Variants in HECW1 observed in about 807,000 individuals in gnomAD.
HECW1 encodes the protein E3 ubiquitin-protein ligase HECW1.
A neutral mutation model predicts 182.3 loss-of-function variants in HECW1; 61 were observed. The ratio of observed to expected loss-of-function variants is 0.33; its 90% CI spans 0.27 to 0.41. The LOEUF is 0.41. HECW1 is among the 10% of genes least tolerant of loss of function. The probability of loss-of-function intolerance (pLI) is 1.00; values close to 1 mark genes in which losing one functional copy is unlikely to be tolerated. For synonymous variants in HECW1, 859 were observed against 832.6 expected, an observed-to-expected ratio of 1.03 and a Z score of -0.55; for missense variants, 1,739 against 2,108.9, an observed-to-expected ratio of 0.82 and a Z score of 3.44.
At position 43,527,412 on chromosome 7, in the gene HECW1, T is replaced by A. The variant is rs548843432; in HGVS notation, c.4020-13751T>A. Among the ~76,000 whole-genome samples the A allele has an allele frequency of 4.6e-5, 7 of 152,244 alleles. No homozygotes were observed. The South Asian group carries it at 1.5e-3, about 32-fold the overall frequency. ...TTTTACCTCTTTCAGCTTCTGGGAT[T>A]TCAACGGCTCCTTGGCTTGTGGCTG... On this transcript the variant is annotated intron_variant, in intron 24 of 29. Coordinates refer to ENST00000395891, the MANE Select transcript of HECW1 (RefSeq NM_015052.5).
chr7:43,412,610 C>G (rs141627229), intron 8 of HECW1, among the ~76,000 whole-genome samples: 16,605 of 122,310 alleles, frequency 0.14, 1,404 homozygotes, highest in Middle Eastern at 0.24. Flanking sequence ...CCCCTCCCCC[C>G]ACCCCACCAC....
At chr7:43,302,614 G>A (rs893212895) in intron 3 of HECW1, among the ~76,000 whole-genome samples, 20 of 152,162 alleles carry the variant, frequency 1.3e-4, no homozygotes, top group Non-Finnish European at 8.8e-5. Context: ...GTACGGGGCC[G>A]CCCCGGGAGG....
chr7:43,145,501 T>G (rs1484515636), intron 2 of HECW1, among the ~76,000 whole-genome samples: 1 of 152,204 alleles, frequency 6.6e-6, no homozygotes, highest in Admixed American at 6.5e-5. Context: ...TTTGCTATGT[T>G]GCCCAGATTG....
intron 2 of HECW1, among the ~76,000 whole-genome samples, chr7:43,132,432 C>G (rs954617753): frequency 6.6e-6 from 1 of 152,170 alleles, no homozygotes; most frequent in Non-Finnish European, 1.5e-5. Context: ...GCCCCTAAAT[C>G]TACATTGGGG....
intron 21 of HECW1, 28 bp downstream of exon 21, chr7:43,501,350 T>G: frequency 4.6e-6 from 6 of 1,295,668 alleles, no homozygotes; most frequent in Non-Finnish European, 6.7e-6. Flanking sequence ...TAATAGCTCC[T>G]GTTAAGTGGC....
At chr7:43,429,984 C>T (rs2076490401) in intron 8 of HECW1, among the ~76,000 whole-genome samples, 1 of 152,188 alleles carries the variant, frequency 6.6e-6, no homozygotes, top group African/African-American at 2.4e-5. Flanking sequence ...AATTGGTATT[C>T]CTGCCTTACT....
At chr7:43,358,907 C>A (rs1815509500) in intron 5 of HECW1, among the ~76,000 whole-genome samples, 1 of 148,292 alleles carries the variant, frequency 6.7e-6, no homozygotes, top group South Asian at 2.3e-4. Flanking sequence ...TCACTGCCAC[C>A]TCCACCTCCC....
At chr7:43,169,046 A>G (rs1173061619) in intron 2 of HECW1, among the ~76,000 whole-genome samples, 1 of 152,216 alleles carries the variant, frequency 6.6e-6, no homozygotes. Flanking sequence ...TACCAGGAGA[A>G]TATGTTCATG....
rs117225727 is a variant in HECW1, at chr7:43,449,306, C to T, written c.2399-1522C>T. Among the ~76,000 whole-genome samples the T allele has an allele frequency of 1.0e-3, 153 of 152,282 alleles. 3 individuals are homozygous for T. The East Asian group carries it at 0.012, about 12-fold the overall frequency. On this transcript the variant is annotated intron_variant, in intron 11 of 29. Transcript: ENST00000395891. ...AGTCTGTCCACAATGAACTGGGTGC[C>T]GGCATGAGGGGAACCTTCCTTGTTT...
At position 43,463,750 on chromosome 7, in the gene HECW1, C is replaced by A; in HGVS notation, c.2742C>A (p.Gly914=). 6.2e-7 allele frequency: 1 copy of A among 1,613,812 alleles called. No individual in the cohort carries two copies. Among genetic ancestry groups the A allele is most frequent in the Non-Finnish European group, 8.5e-7 (1 of 1,179,906 alleles). ...GCGAGCAAGCCCCAGCAGGAGGAGG[C>A]GGAGGTGGAGGGAGTGACTCAGAAG... The part of the protein sequence containing the change: ...QSCEQAPAGG[G]GGGGSDSEAE... Residue 914 remains glycine, a synonymous_variant, in exon 14 of 30, where the codon GGC becomes GGA. Transcript: ENST00000395891.
intron 22 of HECW1, among the ~76,000 whole-genome samples, 177 bp from the exon 23 acceptor site, chr7:43,507,841 T>C (rs2079651519): frequency 6.6e-6 from 1 of 152,198 alleles, no homozygotes; most frequent in African/African-American, 2.4e-5. Context: ...TCCTGATGTT[T>C]TGAAAAGTGT....
At chr7:43,317,809 T>TTGTG (rs3032881) in intron 4 of HECW1, among the ~76,000 whole-genome samples, 10,207 of 142,512 alleles carry the variant, frequency 0.072, 465 homozygotes, top group East Asian at 0.16. Flanking sequence ...TTTCTCATTA[T>TTGTG]TGTGTGTGTG....
intron 29 of HECW1, among the ~76,000 whole-genome samples, chr7:43,555,231 T>C (rs554572199): frequency 1.4e-4 from 22 of 152,364 alleles, no homozygotes; most frequent in Admixed American, 5.9e-4. Context: ...GGATTTTTCC[T>C]ATCAAGTTTT....
At chr7:43,383,748 G>A (rs1436067329) in intron 6 of HECW1, among the ~76,000 whole-genome samples, 8 of 152,148 alleles carry the variant, frequency 5.3e-5, no homozygotes, top group Admixed American at 5.2e-4. Context: ...CCCCCATGCA[G>A]TCAAACATTT....
chr7:43,264,642 A>G (rs537618408), intron 3 of HECW1, among the ~76,000 whole-genome samples: 384 of 152,168 alleles, frequency 2.5e-3, no homozygotes, highest in African/African-American at 5.6e-3. Flanking sequence ...TCAGGAGACC[A>G]AGACCATCCT....
At chr7:43,483,546 T>C (rs1331614297) in intron 17 of HECW1, among the ~76,000 whole-genome samples, 2 of 130,808 alleles carry the variant, frequency 1.5e-5, no homozygotes, top group African/African-American at 5.5e-5. Context: ...CCATGCAAAC[T>C]CTTTTTTTTT....
intron 27 of HECW1, among the ~76,000 whole-genome samples, chr7:43,551,019 T>C (rs2081803451): frequency 6.6e-6 from 1 of 152,192 alleles, no homozygotes; most frequent in African/African-American, 2.4e-5. Context: ...TGCCACGTAA[T>C]CTATGCTGAG....
chr7:43,397,307 A>T (rs2075263650), intron 7 of HECW1, among the ~76,000 whole-genome samples: 1 of 152,222 alleles, frequency 6.6e-6, no homozygotes, highest in Non-Finnish European at 1.5e-5. Flanking sequence ...CATGGAAAAA[A>T]AATCAGTGGA....
In HECW1 at chr7:43,137,614, A is replaced by G. The variant is rs1787701691; in HGVS notation, c.-32+23223A>G. 2.6e-5 allele frequency among the ~76,000 whole-genome samples: 4 copies of G among 151,806 alleles called. No homozygotes were observed. The South Asian group carries it at 8.3e-4, about 32-fold the overall frequency. On this transcript the variant is annotated intron_variant, in intron 2 of 29. Transcript: ENST00000395891. ...ATCCAGGCTGGAGTGCAGTGGTACA[A>G]TCACGGCTCACTGCAACCCACACCT...
Sources: gnomAD v4.1 joint callset for allele counts (sites outside exome capture counted in the v4.1 genomes callset) on GRCh38, gnomAD v4.1.1 for gene constraint, MANE v1.5 for transcripts, NCBI Gene and HGNC (gene_info 2026-07-23, HGNC 2026-07-21) for gene names.